Variants in TCF4 observed in about 807,000 individuals in gnomAD.
The protein encoded by TCF4 is transcription factor 4.
A neutral mutation model predicts 82.1 loss-of-function variants in TCF4; 3 were observed. The observed-to-expected ratio is 0.04, with a 90% confidence interval of 0.02 to 0.09. The LOEUF is 0.09. Ranked by LOEUF, TCF4 falls within the 10% of genes least tolerant of loss-of-function variation. The pLI is 1.00. For missense variants in TCF4, 518 were observed against 852.7 expected, an observed-to-expected ratio of 0.61 and a Z score of 4.89; for synonymous variants, 276 against 309.6, an observed-to-expected ratio of 0.89 and a Z score of 1.14.
At chr18:55,372,659 A>G (rs1036286857) in intron 6 of TCF4, among the ~76,000 whole-genome samples, 4 of 152,188 alleles carry the variant, frequency 2.6e-5, no homozygotes, top group African/African-American at 9.7e-5. Flanking sequence ...ATCAACCCAA[A>G]AAAACCCAGA....
intron 8 of TCF4, among the ~76,000 whole-genome samples, chr18:55,332,922 C>G (rs2077874491): frequency 6.6e-6 from 1 of 152,144 alleles, no homozygotes; most frequent in African/African-American, 2.4e-5. Context: ...GAGAAAGGCA[C>G]TAAAGTTTTA....
chr18:55,275,656 G>T lies in TCF4; in HGVS notation c.752C>A (p.Ser251Tyr). 6.2e-7 allele frequency: 1 copy of T among 1,613,850 alleles called. No individual in the cohort carries two copies. Among genetic ancestry groups the T allele is most frequent in the Non-Finnish European group, 8.5e-7 (1 of 1,179,782 alleles). The change falls in exon 10 of 20, where the codon TCC (serine) becomes TAC (tyrosine). Residue 251 changes from serine (S) to tyrosine (Y), a missense_variant. Physicochemically the swap from Ser to Tyr is moderately radical, Grantham distance 144. Transcript: ENST00000354452. ...TGGATGCAGGCTACAGTAGCTGCTG[G>T]ACTGTGGAATATGAGAAGAGTTGCC... ...MLGNSSHIPQ[S>Y]SSYCSLHPHE... is the part of the protein sequence containing the mutation.
chr18:55,627,004 T>C (rs1457169029), intron 2 of TCF4, among the ~76,000 whole-genome samples: 1 of 152,220 alleles, frequency 6.6e-6, no homozygotes, highest in Non-Finnish European at 1.5e-5. Context: ...ACCCTTTCTT[T>C]GGTGCCAATG....
chr18:55,486,824 T>C (rs1394092044), intron 3 of TCF4, among the ~76,000 whole-genome samples: 5 of 152,284 alleles, frequency 3.3e-5, no homozygotes, highest in South Asian at 2.1e-4. Flanking sequence ...GACTTCTCCA[T>C]AGAAATGCTT....
intron 3 of TCF4, among the ~76,000 whole-genome samples, chr18:55,531,017 T>C (rs904284723): frequency 2.6e-5 from 4 of 151,942 alleles, no homozygotes; most frequent in African/African-American, 9.7e-5. Flanking sequence ...AGTGGTGTAA[T>C]CTCGGCTCAG....
At chr18:55,401,580 C>G in intron 6 of TCF4, 1 of 987,742 alleles carries the variant, frequency 1.0e-6, no homozygotes, top group Non-Finnish European at 1.2e-6. Context: ...CACTTCTCAC[C>G]TTGTGTTTGG....
At chr18:55,257,611 C>G (rs1873090665) in intron 13 of TCF4, 1 of 590,408 alleles carries the variant, frequency 1.7e-6, no homozygotes, top group African/African-American at 1.9e-5. Flanking sequence ...TTCCCCCAGG[C>G]TGGCTGTCTC....
chr18:55,236,690 T>A (rs2049548586), intron 15 of TCF4, among the ~76,000 whole-genome samples: 1 of 152,250 alleles, frequency 6.6e-6, no homozygotes, highest in African/African-American at 2.4e-5. Flanking sequence ...TCAATGATTA[T>A]CCTTTCAATC....
chr18:55,561,520 C>G (rs1292471903), intron 3 of TCF4, among the ~76,000 whole-genome samples: 1 of 152,060 alleles, frequency 6.6e-6, no homozygotes, highest in Non-Finnish European at 1.5e-5. Flanking sequence ...ATGCAAAATT[C>G]CTAAGAAACA....
Position 55,228,365 on chromosome 18 carries a change from T to C in TCF4, c.1880-4A>G. On this transcript the variant is annotated splice_polypyrimidine_tract_variant and splice_region_variant and intron_variant, in intron 18 of 19. Transcript: ENST00000354452. Reference sequence around the variant, plus strand: ...GCTTTCGGATTCAGATTCCTTTCTGTGGAGGATTAAAGCACAGAACCTTTG... The same window carrying C: ...GCTTTCGGATTCAGATTCCTTTCTGCGGAGGATTAAAGCACAGAACCTTTG... 1 of 1,613,808 alleles carries C rather than the reference T, an allele frequency of 6.2e-7. No homozygotes were observed. Among genetic ancestry groups the C allele is most frequent in the Non-Finnish European group, 8.5e-7 (1 of 1,180,004 alleles).
At chr18:55,367,112 C>T (rs989525119) in intron 6 of TCF4, among the ~76,000 whole-genome samples, 3 of 152,150 alleles carry the variant, frequency 2.0e-5, no homozygotes, top group Non-Finnish European at 4.4e-5. Flanking sequence ...CTCTGTAATA[C>T]GTGTTGCACA....
rs748731574 is a variant in TCF4 at position 55,234,561 on chromosome 18, C to T, written c.1473G>A (p.Gln491=). ...AGGCCAACCTACCTCTGTAAGGGTC[C>T]TGGGGTGGGTTCAGGTCAGGGGAAG... is the stretch of plus-strand genomic sequence containing the variant. The part of the protein sequence containing the change: ...SATSPDLNPP[Q]DPYRGMPPGL... The change falls in exon 16 of 20, where the codon CAG becomes CAA. Residue 491 remains glutamine, a synonymous_variant. Transcript: ENST00000354452. 1.9e-6 allele frequency: 3 copies of T among 1,613,938 alleles called. No homozygotes were observed. The African/African-American group carries it at 4.0e-5, about 22-fold the overall frequency.
intron 8 of TCF4, among the ~76,000 whole-genome samples, chr18:55,294,447 G>A (rs1307673541): frequency 6.6e-6 from 1 of 152,148 alleles, no homozygotes; most frequent in Non-Finnish European, 1.5e-5. Context: ...CAAAGTAGAA[G>A]AGAACCAGTC....
At chr18:55,310,633 G>A (rs2072059190) in intron 8 of TCF4, among the ~76,000 whole-genome samples, 1 of 152,238 alleles carries the variant, frequency 6.6e-6, no homozygotes, top group Non-Finnish European at 1.5e-5. Context: ...CAGTTGTGAG[G>A]AGGTAAAGGA....
chr18:55,402,091 A>C (rs772627542), intron 6 of TCF4: 473 of 985,450 alleles, frequency 4.8e-4, no homozygotes, highest in Middle Eastern at 1.6e-3. Flanking sequence ...GAATGGCTGT[A>C]AATTTCTTTC....
At chr18:55,529,034 C>T (rs1603619308) in intron 3 of TCF4, among the ~76,000 whole-genome samples, 4 of 151,968 alleles carry the variant, frequency 2.6e-5, no homozygotes, top group Admixed American at 6.6e-5. Flanking sequence ...AAAAATTAGC[C>T]GGGCATGGTG....
chr18:55,267,112 G>A (rs780740015), intron 11 of TCF4: 1 of 152,170 alleles, frequency 6.6e-6, no homozygotes, highest in Non-Finnish European at 1.5e-5. Flanking sequence ...TGATGTCCAT[G>A]TGTTAGTGCT....
intron 13 of TCF4, chr18:55,259,620 G>GT (rs2057605724): frequency 3.6e-6 from 1 of 275,474 alleles, no homozygotes; most frequent in Non-Finnish European, 6.9e-6. Context: ...TATTAACTGA[G>GT]TTTTTTTCAT....
chr18:55,524,925 C>T (rs886179232), intron 3 of TCF4, among the ~76,000 whole-genome samples: 1 of 152,208 alleles, frequency 6.6e-6, no homozygotes, highest in South Asian at 2.1e-4. Context: ...AGGCCCACAA[C>T]TCAAATGAAC....
Sources: gnomAD v4.1 joint callset for allele counts (sites outside exome capture counted in the v4.1 genomes callset) on GRCh38, gnomAD v4.1.1 for gene constraint, MANE v1.5 for transcripts, NCBI Gene and HGNC (gene_info 2026-07-23, HGNC 2026-07-21) for gene names.